Variants in KSR2 observed in about 807,000 individuals in gnomAD.
The protein encoded by KSR2 is kinase suppressor of ras 2.
A neutral mutation model predicts 107.8 loss-of-function variants in KSR2; 25 were observed. The observed-to-expected ratio is 0.23, with a 90% CI of 0.17 to 0.32. The LOEUF is 0.32. Among genes scored for constraint, KSR2 ranks in the 10% least tolerant of loss-of-function variants. The pLI, the probability that KSR2 is intolerant of heterozygous loss-of-function variation, is 1.00. For missense variants in KSR2, 887 were observed against 1,268.9 expected, an observed-to-expected ratio of 0.70 and a Z score of 4.57; for synonymous variants, 480 against 507.0, an observed-to-expected ratio of 0.95 and a Z score of 0.71.
intron 16 of KSR2, among the ~76,000 whole-genome samples, 177 bp downstream of exon 16, chr12:117,484,239 C>G (rs573017387): frequency 2.0e-5 from 3 of 152,310 alleles, no homozygotes; most frequent in East Asian, 1.9e-4. Context: ...GCTGGCCCCC[C>G]CAGGGGGAAA....
At chr12:117,856,614 T>G (rs1392939459) in intron 2 of KSR2, among the ~76,000 whole-genome samples, 1 of 152,044 alleles carries the variant, frequency 6.6e-6, no homozygotes, top group Non-Finnish European at 1.5e-5. Context: ...GTAGCTAGGA[T>G]TACAGCCACT....
At chr12:117,802,405 T>C (rs1890863966) in intron 3 of KSR2, among the ~76,000 whole-genome samples, 1 of 152,162 alleles carries the variant, frequency 6.6e-6, no homozygotes, top group Admixed American at 6.5e-5. Context: ...CTTTACTATG[T>C]AATATCACAT....
intron 3 of KSR2, among the ~76,000 whole-genome samples, chr12:117,826,012 T>C (rs939225845): frequency 1.4e-4 from 21 of 150,844 alleles, no homozygotes; most frequent in East Asian, 3.9e-4. Context: ...GGTGGATGGA[T>C]GGATGCATGG....
At chr12:117,759,909 A>T (rs566123639) in intron 4 of KSR2, among the ~76,000 whole-genome samples, 2 of 152,318 alleles carry the variant, frequency 1.3e-5, no homozygotes, top group Admixed American at 1.3e-4. Flanking sequence ...GAAGTTCAAG[A>T]CCAGTCTGGT....
chr12:117,855,472 C>T lies in KSR2; in HGVS notation c.428G>A (p.Arg143His), dbSNP rs1359789980. The T allele has an allele frequency of 2.5e-6, 4 of 1,613,890 alleles. No homozygotes were observed. Among genetic ancestry groups the T allele is most frequent in the Non-Finnish European group, 3.4e-6 (4 of 1,179,892 alleles). ...GAGGCAGGAGAGGGAGGCGTTGAGG[C>T]GGGCACACTCCTCCCGGTTGGCTCC... ...KYGANREECA[R>H]LNASLSCLRN... The change falls in exon 3 of 20, where the codon CGC (arginine) becomes CAC (histidine). Residue 143 changes from arginine (R) to histidine (H), a missense_variant. Arg to His is a conservative substitution (Grantham distance 29). This residue lies in a region of KSR2 where 399 missense variants were observed against 479.5 expected (regional missense o/e 0.83). Transcript: ENST00000339824.
At chr12:117,525,386 T>C (rs915483037) in intron 13 of KSR2, among the ~76,000 whole-genome samples, 167 bp from the exon 14 acceptor site, 9 of 152,104 alleles carry the variant, frequency 5.9e-5, no homozygotes, top group African/African-American at 2.2e-4. Flanking sequence ...TAGAATCTGG[T>C]CTAGAATCAT....
At chr12:117,732,836 C>T (rs1190947421) in intron 4 of KSR2, among the ~76,000 whole-genome samples, 5 of 152,124 alleles carry the variant, frequency 3.3e-5, no homozygotes, top group Non-Finnish European at 5.9e-5. Flanking sequence ...TTACTGAGTC[C>T]TAACGGGGTC....
intron 4 of KSR2, among the ~76,000 whole-genome samples, chr12:117,669,732 G>A (rs758207359): frequency 1.1e-4 from 16 of 152,014 alleles, no homozygotes; most frequent in Non-Finnish European, 1.2e-4. Flanking sequence ...GCCGGGTTTG[G>A]AGGCATGTGC....
intron 3 of KSR2, among the ~76,000 whole-genome samples, chr12:117,839,689 A>C (rs558739795): frequency 7.2e-5 from 11 of 152,302 alleles, no homozygotes; most frequent in African/African-American, 2.2e-4. Context: ...CAATCAAGGA[A>C]ATCCTCCCCG....
intron 9 of KSR2, among the ~76,000 whole-genome samples, chr12:117,553,174 T>G (rs1210372165): frequency 1.3e-5 from 2 of 152,200 alleles, no homozygotes; most frequent in African/African-American, 4.8e-5. Flanking sequence ...TTTGCCTGAT[T>G]CCAGAAGCCA....
intron 9 of KSR2, among the ~76,000 whole-genome samples, chr12:117,543,898 T>C (rs1876673170): frequency 6.6e-6 from 1 of 152,220 alleles, no homozygotes; most frequent in Non-Finnish European, 1.5e-5. Flanking sequence ...ATTACTTAGA[T>C]TGCAGTTGCA....
chr12:117,731,902 G>A (rs1235130214), intron 4 of KSR2, among the ~76,000 whole-genome samples: 1 of 140,296 alleles, frequency 7.1e-6, no homozygotes, highest in Non-Finnish European at 1.6e-5. Context: ...CACTGCGGAA[G>A]GCCGCAGGGT....
chr12:117,800,432 C>G (rs1486258492), intron 3 of KSR2, among the ~76,000 whole-genome samples: 1 of 152,064 alleles, frequency 6.6e-6, no homozygotes, highest in Non-Finnish European at 1.5e-5. Flanking sequence ...GGGTGCTTAT[C>G]CCCTGGGGAA....
At chr12:117,710,089 A>G (rs1450465124) in intron 4 of KSR2, among the ~76,000 whole-genome samples, 3 of 152,214 alleles carry the variant, frequency 2.0e-5, no homozygotes, top group Admixed American at 2.0e-4. Context: ...ACCAGCTGCA[A>G]GAATGTTGGA....
chr12:117,835,254 A>C (rs1892153308), intron 3 of KSR2, among the ~76,000 whole-genome samples: 1 of 152,104 alleles, frequency 6.6e-6, no homozygotes, highest in Non-Finnish European at 1.5e-5. Flanking sequence ...TTATCTGCAA[A>C]ACTGATGGAA....
At chr12:117,959,193 C>T (rs1896595134) in intron 1 of KSR2, among the ~76,000 whole-genome samples, 1 of 152,132 alleles carries the variant, frequency 6.6e-6, no homozygotes, top group South Asian at 2.1e-4. Flanking sequence ...AAGTGAACTT[C>T]GTATCTCCAG....
intron 1 of KSR2, among the ~76,000 whole-genome samples, chr12:117,924,216 G>A (rs900118240): frequency 1.3e-5 from 2 of 151,470 alleles, no homozygotes; most frequent in African/African-American, 4.8e-5. Context: ...ACTTAAAACT[G>A]AAAAACTAAA....
At chr12:117,812,514 C>T (rs981166481) in intron 3 of KSR2, among the ~76,000 whole-genome samples, 1 of 152,124 alleles carries the variant, frequency 6.6e-6, no homozygotes, top group Non-Finnish European at 1.5e-5. Context: ...AAGTCTTCAG[C>T]TCCTCTTGAA....
At chr12:117,700,868 G>A (rs905225378) in intron 4 of KSR2, among the ~76,000 whole-genome samples, 2 of 152,124 alleles carry the variant, frequency 1.3e-5, no homozygotes, top group Admixed American at 6.5e-5. Context: ...GGGCAACACC[G>A]AATAAATGAT....
Sources: allele counts gnomAD v4.1 joint callset (sites outside exome capture counted in the v4.1 genomes callset), GRCh38; gene constraint gnomAD v4.1.1; regional missense constraint gnomAD v4.1.1; transcripts MANE v1.5; gene names NCBI Gene and HGNC (gene_info 2026-07-23, HGNC 2026-07-21).